RXFP1: variants seen among roughly 807,000 people sequenced by gnomAD.
RXFP1 encodes relaxin receptor 1.
Under a neutral mutation model 89.8 loss-of-function variants are expected in RXFP1, and 73 were observed. That is an observed-to-expected ratio of 0.81 (90% CI 0.67 to 0.99). RXFP1 has a LOEUF of 0.99. Among genes scored for constraint, RXFP1 ranks in the 50% least tolerant of loss-of-function variants. The probability of loss-of-function intolerance (pLI) is 0.00; values close to 1 mark genes in which losing one functional copy is unlikely to be tolerated. For synonymous variants in RXFP1, 277 were observed against 305.5 expected, an observed-to-expected ratio of 0.91 and a Z score of 0.97; for missense variants, 793 against 895.5, an observed-to-expected ratio of 0.89 and a Z score of 1.46.
chr4:158,607,542 C>T (rs528464315), intron 5 of RXFP1, among the ~76,000 whole-genome samples: 32 of 152,258 alleles, frequency 2.1e-4, no homozygotes, highest in African/African-American at 7.5e-4. Context: ...TATAACAAGA[C>T]CCGTATTAAA....
intron 1 of RXFP1, among the ~76,000 whole-genome samples, chr4:158,537,391 A>T (rs1245888938): frequency 6.6e-6 from 1 of 151,878 alleles, no homozygotes; most frequent in Non-Finnish European, 1.5e-5. Context: ...TAGTCCCTAG[A>T]GTGTCTATGA....
intron 2 of RXFP1, among the ~76,000 whole-genome samples, chr4:158,591,310 C>A (rs1396240897): frequency 6.6e-6 from 1 of 152,156 alleles, no homozygotes; most frequent in African/African-American, 2.4e-5. Context: ...TTCTCCTACT[C>A]CTGTTTCTCT....
chr4:158,628,752 C>T, intron 11 of RXFP1, 43 bp downstream of exon 11: 1 of 1,100,080 alleles, frequency 9.1e-7, no homozygotes, highest in Non-Finnish European at 1.3e-6. Flanking sequence ...TTTCTTTCTA[C>T]TGTTTTTTCA....
intron 2 of RXFP1, among the ~76,000 whole-genome samples, chr4:158,578,468 T>G (rs1311763846): frequency 1.3e-5 from 2 of 152,244 alleles, no homozygotes; most frequent in African/African-American, 2.4e-5. Context: ...AGGGTTCTTC[T>G]TTAGGAATCA....
chr4:158,647,202 GTAAGAAAC>G lies in RXFP1; in HGVS notation c.1756+13_1756+20del, dbSNP rs1412877243. On this transcript the variant is annotated splice_donor_variant and splice_donor_5th_base_variant and intron_variant, in intron 16 of 17. Transcript: ENST00000307765. LOFTEE classifies it high-confidence loss of function. Reference sequence around the variant, plus strand: ...ATTTATTCAGTGGCAATTTTTCTTGGTAAGAAACTAAGAAACTAATGTTCACAAATTTT... The same window carrying G: ...ATTTATTCAGTGGCAATTTTTCTTGGTAAGAAACTAATGTTCACAAATTTT... 47 of 1,553,016 alleles carry G rather than the reference GTAAGAAAC, an allele frequency of 3.0e-5. No homozygotes were observed. The highest frequency in any genetic ancestry group is 3.9e-5 in the Non-Finnish European group (45 of 1,153,770).
chr4:158,579,955 A>G (rs971745918), intron 2 of RXFP1, among the ~76,000 whole-genome samples: 2 of 152,152 alleles, frequency 1.3e-5, no homozygotes, highest in Admixed American at 1.3e-4. Flanking sequence ...CAGAAACACA[A>G]AAGTTTATTA....
rs560897453 is a variant in RXFP1 at position 158,543,289 on chromosome 4, C to A, written c.49+21264C>A. 2.1e-3 allele frequency among the ~76,000 whole-genome samples: 313 copies of A among 152,280 alleles called. 1 individual carries two copies. Among genetic ancestry groups the A allele is most frequent in the Non-Finnish European group, 3.7e-3 (254 of 68,022 alleles). On this transcript the variant is annotated intron_variant, in intron 1 of 17. Coordinates refer to ENST00000307765, the MANE Select transcript of RXFP1 (RefSeq NM_021634.4). ...TAATAGATGGAAAGATGGCTACTGT[C>A]ACTCCAGACATCAAGTTCATGTTCA...
intron 12 of RXFP1, 95 bp from the exon 13 acceptor site, chr4:158,637,913 A>G: frequency 1.3e-6 from 1 of 747,074 alleles, no homozygotes; most frequent in Non-Finnish European, 2.4e-6. Flanking sequence ...ACTTTCGTTC[A>G]TAAATATGTT....
intron 11 of RXFP1, among the ~76,000 whole-genome samples, chr4:158,629,667 C>T (rs1435403661): frequency 6.6e-6 from 1 of 151,894 alleles, no homozygotes; most frequent in East Asian, 1.9e-4. Flanking sequence ...CACTCTGTTG[C>T]CCAAGCTGAA....
At chr4:158,538,373 A>G (rs1007697012) in intron 1 of RXFP1, among the ~76,000 whole-genome samples, 3 of 152,186 alleles carry the variant, frequency 2.0e-5, no homozygotes, top group Admixed American at 2.0e-4. Context: ...CAGAGATGAG[A>G]AGTTGACTCA....
intron 17 of RXFP1, among the ~76,000 whole-genome samples, chr4:158,650,223 TG>T (rs1772396180): frequency 6.6e-6 from 1 of 151,956 alleles, no homozygotes; most frequent in Non-Finnish European, 1.5e-5. Context: ...TTCTAGGGGT[TG>T]GGGGAAGGGA....
At chr4:158,523,272 C>T (rs1741630858) in intron 1 of RXFP1, among the ~76,000 whole-genome samples, 1 of 152,136 alleles carries the variant, frequency 6.6e-6, no homozygotes, top group Admixed American at 6.6e-5. Flanking sequence ...CATATTTTAC[C>T]ATCCCTATTC....
intron 8 of RXFP1, among the ~76,000 whole-genome samples, chr4:158,612,962 G>C (rs1763856756): frequency 6.6e-6 from 1 of 152,192 alleles, no homozygotes; most frequent in Non-Finnish European, 1.5e-5. Context: ...AGACCTCAGT[G>C]ATATTGTGGG....
chr4:158,580,298 G>T (rs954151528), intron 2 of RXFP1, among the ~76,000 whole-genome samples: 2 of 152,130 alleles, frequency 1.3e-5, no homozygotes, highest in Admixed American at 6.5e-5. Flanking sequence ...CATATCAAAG[G>T]CATGCTCTGA....
intron 9 of RXFP1, 97 bp from the exon 10 acceptor site, chr4:158,626,722 TA>T: frequency 1.4e-6 from 1 of 701,254 alleles, no homozygotes; most frequent in Non-Finnish European, 2.4e-6. Context: ...AAACAGTATG[TA>T]AAGAAAAGAT....
intron 1 of RXFP1, among the ~76,000 whole-genome samples, chr4:158,560,848 G>T (rs561584496): frequency 6.6e-6 from 1 of 152,308 alleles, no homozygotes; most frequent in African/African-American, 2.4e-5. Flanking sequence ...CGTCTCACTG[G>T]TCGGAACTGT....
chr4:158,621,142 A>T (rs938726018), intron 9 of RXFP1, among the ~76,000 whole-genome samples: 6 of 152,108 alleles, frequency 3.9e-5, no homozygotes, highest in African/African-American at 1.2e-4. Context: ...TCTCAAAAAA[A>T]AAATAAAAAA....
At chr4:158,629,000 TC>T (rs1767496584) in intron 11 of RXFP1, among the ~76,000 whole-genome samples, 1 of 142,184 alleles carries the variant, frequency 7.0e-6, no homozygotes. Context: ...TCTGTTCTAC[TC>T]CTAAAGAAGG....
intron 1 of RXFP1, chr4:158,544,175 G>A (rs1184000661): frequency 1.6e-5 from 16 of 983,958 alleles, no homozygotes; most frequent in Non-Finnish European, 1.8e-5. Context: ...GGAAATCATT[G>A]TTCCAAATGA....
Sources: gnomAD v4.1 joint callset for allele counts (sites outside exome capture counted in the v4.1 genomes callset) on GRCh38, gnomAD v4.1.1 for gene constraint, MANE v1.5 for transcripts, NCBI Gene and HGNC (gene_info 2026-07-23, HGNC 2026-07-21) for gene names.